ASTN2: variants seen among roughly 807,000 people sequenced by gnomAD.
The protein encoded by ASTN2 is astrotactin 2.
A neutral mutation model predicts 139.8 loss-of-function variants in ASTN2; 54 were observed. The observed-to-expected ratio is 0.39, with a 90% CI of 0.31 to 0.48. The LOEUF (loss-of-function observed/expected upper bound fraction) is 0.48. ASTN2 is among the 20% of genes least tolerant of loss of function. The pLI is 0.95. For missense variants in ASTN2, 1,565 were observed against 1,725.1 expected (o/e 0.91, Z 1.64); for synonymous variants, 756 against 719.5 (o/e 1.05, Z -0.81).
At chr9:117,352,833 A>C (rs1207512884) in intron 1 of ASTN2, among the ~76,000 whole-genome samples, 1 of 152,200 alleles carries the variant, frequency 6.6e-6, no homozygotes, top group Non-Finnish European at 1.5e-5. Context: ...ATTTAGCCAT[A>C]AAAAAGAATG....
At chr9:117,124,808 G>GAA (rs56107557) in intron 4 of ASTN2, among the ~76,000 whole-genome samples, 94 of 130,046 alleles carry the variant, frequency 7.2e-4, no homozygotes, top group East Asian at 3.6e-3. Flanking sequence ...CTGCCACCAT[G>GAA]AAAAAAAAAA....
intron 13 of ASTN2, among the ~76,000 whole-genome samples, chr9:116,796,823 G>GT (rs1383625968): frequency 6.6e-6 from 1 of 152,028 alleles, no homozygotes; most frequent in African/African-American, 2.4e-5. Context: ...GTTTTGTTTT[G>GT]TTTTTTGAGA....
At chr9:117,314,184 A>T (rs553231748) in intron 1 of ASTN2, among the ~76,000 whole-genome samples, 1 of 152,326 alleles carries the variant, frequency 6.6e-6, no homozygotes, top group Non-Finnish European at 1.5e-5. Context: ...CTAACAATGC[A>T]TCCGTTTCAC....
At chr9:117,054,080 T>A (rs1838990296) in intron 5 of ASTN2, among the ~76,000 whole-genome samples, 1 of 151,400 alleles carries the variant, frequency 6.6e-6, no homozygotes, top group South Asian at 2.1e-4. Flanking sequence ...GCCTTTTTGC[T>A]CAAACACATT....
intron 1 of ASTN2, among the ~76,000 whole-genome samples, chr9:117,320,839 A>G (rs1828303389): frequency 6.6e-6 from 1 of 152,190 alleles, no homozygotes; most frequent in Non-Finnish European, 1.5e-5. Context: ...TCAGAAGAAC[A>G]GCACTGATTT....
At chr9:117,186,420 G>A (rs919190637) in intron 3 of ASTN2, among the ~76,000 whole-genome samples, 5 of 151,966 alleles carry the variant, frequency 3.3e-5, no homozygotes, top group Admixed American at 3.3e-4. Flanking sequence ...GGTGGCGGGC[G>A]CCTGTAGTCC....
At chr9:116,655,623 CAGGTCTT>C (rs1232278551) in intron 16 of ASTN2, among the ~76,000 whole-genome samples, 2 of 152,208 alleles carry the variant, frequency 1.3e-5, no homozygotes, top group Non-Finnish European at 2.9e-5. Context: ...ACTCATCCCT[CAGGTCTT>C]AGTTCAAGTG....
At chr9:116,560,313 G>C (rs886582383) in intron 19 of ASTN2, among the ~76,000 whole-genome samples, 4 of 152,102 alleles carry the variant, frequency 2.6e-5, no homozygotes, top group Non-Finnish European at 5.9e-5. Flanking sequence ...TTCATGCCAG[G>C]CACTTTTCTG....
At chr9:116,743,969 T>A (rs1307831112) in intron 13 of ASTN2, among the ~76,000 whole-genome samples, 1 of 152,124 alleles carries the variant, frequency 6.6e-6, no homozygotes, top group Non-Finnish European at 1.5e-5. Flanking sequence ...AAGTCTAAGT[T>A]TCATCGGGAA....
chr9:117,347,440 C>CATGCAGTGA (rs1564158548), intron 1 of ASTN2, among the ~76,000 whole-genome samples: 1 of 151,870 alleles, frequency 6.6e-6, no homozygotes, highest in South Asian at 2.1e-4. Context: ...ATGCTAGATA[C>CATGCAGTGA]GGCTAAGTCT....
intron 13 of ASTN2, among the ~76,000 whole-genome samples, chr9:116,792,852 T>C (rs1393605103): frequency 6.6e-6 from 1 of 152,152 alleles, no homozygotes; most frequent in African/African-American, 2.4e-5. Context: ...CGTGTTTCCA[T>C]CTAGCATTTA....
At chr9:116,731,220 AT>A (rs1332384921) in intron 14 of ASTN2, among the ~76,000 whole-genome samples, 4 of 119,702 alleles carry the variant, frequency 3.3e-5, no homozygotes, top group Non-Finnish European at 7.5e-5. Context: ...AATAATAATA[AT>A]AATAAATCTT....
intron 1 of ASTN2, among the ~76,000 whole-genome samples, chr9:117,412,632 G>A (rs2130984355): frequency 6.6e-6 from 1 of 152,320 alleles, no homozygotes; most frequent in East Asian, 1.9e-4. Context: ...TGCCAAGTCA[G>A]GCCATACCCA....
chr9:116,455,402 T>C (rs1197277041), intron 20 of ASTN2, among the ~76,000 whole-genome samples: 2 of 150,314 alleles, frequency 1.3e-5, no homozygotes, highest in Non-Finnish European at 3.0e-5. Context: ...TAGGAAGTAA[T>C]AGTTAATTGC....
chr9:117,155,131 A>G (rs753832736), intron 3 of ASTN2, among the ~76,000 whole-genome samples: 45 of 152,044 alleles, frequency 3.0e-4, no homozygotes, highest in Non-Finnish European at 5.9e-4. Context: ...ATGGGGTCCC[A>G]TATGCATCCC....
intron 2 of ASTN2, among the ~76,000 whole-genome samples, chr9:117,287,146 T>A (rs942793720): frequency 6.6e-6 from 1 of 152,152 alleles, no homozygotes; most frequent in African/African-American, 2.4e-5. Flanking sequence ...GTGGTGGCAG[T>A]CATTATTTTC....
intron 1 of ASTN2, among the ~76,000 whole-genome samples, chr9:117,385,781 A>C (rs894846776): frequency 2.6e-5 from 4 of 152,056 alleles, no homozygotes; most frequent in Admixed American, 1.3e-4. Context: ...AGTGATAAAA[A>C]GGGACAAAAA....
intron 5 of ASTN2, among the ~76,000 whole-genome samples, chr9:117,079,388 G>A (rs533622859): frequency 7.9e-5 from 12 of 152,004 alleles, no homozygotes; most frequent in Non-Finnish European, 1.5e-4. Context: ...CAGACCGACC[G>A]ACCAACCAGC....
intron 3 of ASTN2, among the ~76,000 whole-genome samples, chr9:117,183,265 C>T (rs1394148529): frequency 6.6e-6 from 1 of 152,152 alleles, no homozygotes; most frequent in Non-Finnish European, 1.5e-5. Flanking sequence ...CTGCTCTGTC[C>T]TAATGAGTAT....
Sources: gnomAD v4.1 joint callset for allele counts (sites outside exome capture counted in the v4.1 genomes callset) on GRCh38, gnomAD v4.1.1 for gene constraint, MANE v1.5 for transcripts, NCBI Gene and HGNC (gene_info 2026-07-23, HGNC 2026-07-21) for gene names.